RYR2: variants seen among roughly 807,000 people sequenced by gnomAD.
The protein encoded by RYR2 is cardiac muscle ryanodine receptor-calcium release channel.
RYR2 carries 227 observed loss-of-function variants against 601.1 expected under a neutral mutation model. That is an observed-to-expected ratio of 0.38 (90% CI 0.34 to 0.42). The LOEUF (loss-of-function observed/expected upper bound fraction) is 0.42. RYR2 is among the 10% of genes least tolerant of loss of function. The probability of loss-of-function intolerance (pLI) is 1.00; values close to 1 mark genes in which losing one functional copy is unlikely to be tolerated. For synonymous variants in RYR2, 2,223 were observed against 2,175.1 expected (o/e 1.02, Z -0.61); for missense variants, 4,646 against 6,156.5 (o/e 0.75, Z 8.21).
chr1:237,334,542 A>G (rs898310053), intron 3 of RYR2, among the ~76,000 whole-genome samples: 20 of 152,028 alleles, frequency 1.3e-4, no homozygotes, highest in Admixed American at 9.2e-4. Flanking sequence ...AATCATGTCA[A>G]TAGTAAATAG....
intron 63 of RYR2, among the ~76,000 whole-genome samples, chr1:237,691,622 T>C (rs1311992065): frequency 6.6e-6 from 1 of 152,208 alleles, no homozygotes; most frequent in Admixed American, 6.5e-5. Context: ...CTATTATTTT[T>C]GAGACATTTA....
At chr1:237,694,684 G>A (rs1687261963) in intron 63 of RYR2, among the ~76,000 whole-genome samples, 1 of 152,130 alleles carries the variant, frequency 6.6e-6, no homozygotes, top group Admixed American at 6.5e-5. Flanking sequence ...GTTGAACATA[G>A]CATTATAGGA....
chr1:237,802,649 A>G (rs1660110918), intron 98 of RYR2, among the ~76,000 whole-genome samples: 1 of 152,218 alleles, frequency 6.6e-6, no homozygotes, highest in African/African-American at 2.4e-5. Flanking sequence ...CTATCTTACA[A>G]CTAATTTCTC....
At chr1:237,514,084 G>T (rs1011485741) in intron 24 of RYR2, among the ~76,000 whole-genome samples, 1 of 152,168 alleles carries the variant, frequency 6.6e-6, no homozygotes, top group African/African-American at 2.4e-5. Context: ...CAGCATCTCT[G>T]ATCTTCCTTT....
At position 237,042,238 on chromosome 1, in the gene RYR2, G is replaced by T. The variant is rs1364614458; in HGVS notation, c.-284G>T. The stretch of plus-strand genomic sequence containing the variant: ...ACCGCCGGCTGCAGGCAGCGAGCGC[G>T]GCTGGGCTGCGGGGCTGCTTCCCCG... On this transcript the variant is annotated 5_prime_UTR_variant, in exon 1 of 105. Coordinates refer to ENST00000366574, the MANE Select transcript of RYR2 (RefSeq NM_001035.3). 23 of 173,192 alleles carry T rather than the reference G, an allele frequency of 1.3e-4. No homozygotes were observed. Among genetic ancestry groups the T allele is most frequent in the Non-Finnish European group, 2.1e-4 (17 of 82,092 alleles). The allele number at this position is 173,192 out of a possible 1,614,324, so 10.7% of individuals were successfully genotyped here.
chr1:237,083,529 G>A (rs1422233566), intron 1 of RYR2, among the ~76,000 whole-genome samples: 1 of 152,112 alleles, frequency 6.6e-6, no homozygotes, highest in African/African-American at 2.4e-5. Flanking sequence ...TTGTGTTGGT[G>A]TATGAGCTTG....
intron 1 of RYR2, among the ~76,000 whole-genome samples, chr1:237,238,552 C>T (rs932016330): frequency 6.6e-6 from 1 of 152,292 alleles, no homozygotes; most frequent in South Asian, 2.1e-4. Flanking sequence ...TTTTACAGAG[C>T]TTGACTCTGC....
At chr1:237,059,746 G>T (rs980804620) in intron 1 of RYR2, among the ~76,000 whole-genome samples, 2 of 152,146 alleles carry the variant, frequency 1.3e-5, no homozygotes, top group African/African-American at 4.8e-5. Context: ...CTTTGTGGTT[G>T]TCCCAGTTCA....
At chr1:237,584,645 A>G (rs368482221) in intron 29 of RYR2, among the ~76,000 whole-genome samples, 2 of 44,010 alleles carry the variant, frequency 4.5e-5, no homozygotes, top group African/African-American at 1.4e-4. Context: ...CCAGCTCACC[A>G]CCTGTTTTTT....
chr1:237,158,249 G>A (rs1232025783), intron 1 of RYR2, among the ~76,000 whole-genome samples: 2 of 152,254 alleles, frequency 1.3e-5, no homozygotes, highest in East Asian at 3.9e-4. Context: ...GGTGTTTAGA[G>A]TGAGAAGACT....
intron 2 of RYR2, among the ~76,000 whole-genome samples, chr1:237,319,270 G>A (rs966413548): frequency 3.3e-5 from 5 of 152,000 alleles, no homozygotes; most frequent in Non-Finnish European, 7.4e-5. Context: ...CCGCCTTGAA[G>A]CCTTTACCTG....
At chr1:237,331,041 C>A in intron 3 of RYR2, 59 bp downstream of exon 3, 1 of 1,348,380 alleles carries the variant, frequency 7.4e-7, no homozygotes, top group Non-Finnish European at 1.1e-6. Flanking sequence ...ACTATAGGAA[C>A]AATTTCTTTC....
chr1:237,720,536 T>G (rs920707079), intron 73 of RYR2, among the ~76,000 whole-genome samples: 2 of 152,230 alleles, frequency 1.3e-5, no homozygotes, highest in African/African-American at 4.8e-5. Flanking sequence ...GAACATTTTT[T>G]TAAAAGTTTA....
chr1:237,350,615 A>ATATATATG (rs1698743353), intron 3 of RYR2, among the ~76,000 whole-genome samples: 2 of 110,654 alleles, frequency 1.8e-5, no homozygotes, highest in African/African-American at 7.8e-5. Flanking sequence ...ATATATATAT[A>ATATATATG]TATATATATA....
chr1:237,371,645 T>A (rs1700648880), intron 6 of RYR2, among the ~76,000 whole-genome samples: 1 of 152,184 alleles, frequency 6.6e-6, no homozygotes, highest in African/African-American at 2.4e-5. Flanking sequence ...AGCAGAAGAC[T>A]ACGTATCAAT....
Position 237,650,011 on chromosome 1 carries a change from T to G in RYR2, c.7647T>G (p.Leu2549=), listed in dbSNP as rs1376282302. 2.5e-6 allele frequency: 4 copies of G among 1,613,998 alleles called. No homozygotes were observed. The highest frequency in any genetic ancestry group is 3.4e-6 in the Non-Finnish European group (4 of 1,179,864). Residue 2549 remains leucine (L), a synonymous_variant, in exon 50 of 105, where the codon CTT becomes CTG. Transcript: ENST00000366574. ...EHHASLIDSL[L]HTVYRLSKGC... The stretch of plus-strand genomic sequence containing the variant: ...ACGCTTCTCTCATTGACTCATTACT[T>G]CATACTGTGTATAGACTTTCTAAGG...
intron 99 of RYR2, among the ~76,000 whole-genome samples, chr1:237,808,476 C>T (rs112960018): frequency 5.4e-4 from 82 of 151,982 alleles, no homozygotes; most frequent in African/African-American, 2.0e-3. Flanking sequence ...GCCTGACAAA[C>T]ATGGAGAAAC....
chr1:237,832,860 C>A lies in RYR2; in HGVS notation c.*213C>A. The A allele has an allele frequency of 2.4e-6, 1 of 424,326 alleles. No individual in the cohort carries two copies. The highest frequency in any genetic ancestry group is 4.2e-6 in the Non-Finnish European group (1 of 235,740). The allele number at this position is 424,326 out of a possible 1,614,324, so 26.3% of individuals were successfully genotyped here. A position where few individuals can be genotyped will look rare whatever the true frequency, so the allele number is the denominator to read the frequency against. On this transcript the variant is annotated 3_prime_UTR_variant, in exon 105 of 105. Transcript: ENST00000366574. ...TAAAGACTGAAGAATAATCTAAATT[C>A]ATACTCAGACAAAAAAAGGAATTCT... is the stretch of plus-strand genomic sequence containing the variant.
In RYR2 at chr1:237,833,426, T is replaced by C. The variant is rs373599263; in HGVS notation, c.*779T>C. 6 of 146,316 alleles carry C rather than the reference T, an allele frequency of 4.1e-5. No homozygotes were observed. Among genetic ancestry groups the C allele is most frequent in the African/African-American group, 1.5e-4 (6 of 39,552 alleles). 9.1% of individuals were successfully genotyped at this position (146,316 alleles called of 1,614,324 possible). On this transcript the variant is annotated 3_prime_UTR_variant, in exon 105 of 105. Transcript: ENST00000366574. ...ATGCTCTGATGCAACATTGCAACTT[T>C]ATGAAATCTTTGTATGAAAACAAAA...
Sources: allele counts gnomAD v4.1 joint callset (sites outside exome capture counted in the v4.1 genomes callset), GRCh38; gene constraint gnomAD v4.1.1; transcripts MANE v1.5; gene names NCBI Gene and HGNC (gene_info 2026-07-23, HGNC 2026-07-21).